ERI1: variants seen among roughly 807,000 people sequenced by gnomAD.
ERI1 encodes the protein exoribonuclease 1.
ERI1 carries 39 observed loss-of-function variants against 39.7 expected under a neutral mutation model. That is an observed-to-expected ratio of 0.98 (90% CI 0.76 to 1.28). ERI1 has a LOEUF of 1.28. ERI1 is among the 50% of genes most tolerant of loss of function. ERI1 has a pLI of 0.00. For missense variants in ERI1, 581 were observed against 416.9 expected, an observed-to-expected ratio of 1.39 and a Z score of -3.43; for synonymous variants, 204 against 149.6, an observed-to-expected ratio of 1.36 and a Z score of -2.65.
chr8:9,004,723 G>C (rs1360074974), intron 1 of ERI1, among the ~76,000 whole-genome samples: 1 of 124,484 alleles, frequency 8.0e-6, no homozygotes, highest in African/African-American at 3.1e-5. Context: ...TTTCGTTCTT[G>C]TTGCCCAGTC....
At chr8:9,090,482 A>G (rs1799670343) in intron 3 of ERI1, among the ~76,000 whole-genome samples, 1 of 152,190 alleles carries the variant, frequency 6.6e-6, no homozygotes, top group African/African-American at 2.4e-5. Flanking sequence ...AAAATATTGG[A>G]AAAAAATCTA....
chr8:9,014,098 A>G lies in ERI1; in HGVS notation c.499-2224A>G, dbSNP rs28647916. 7.4e-3 allele frequency among the ~76,000 whole-genome samples: 1,121 copies of G among 152,268 alleles called. 11 individuals carry two copies. The highest frequency in any genetic ancestry group is 0.026 in the African/African-American group (1,073 of 41,546). On this transcript the variant is annotated intron_variant, in intron 3 of 6. Transcript: ENST00000250263. ...CCTCATTTAACTCAGAGTACAACCAATATTCCTTACATGACCTGGCCTATT... is the reference window on the plus strand; with the variant it reads ...CCTCATTTAACTCAGAGTACAACCAGTATTCCTTACATGACCTGGCCTATT...
chr8:9,008,181 T>A, intron 2 of ERI1, 33 bp downstream of exon 2: 1 of 1,454,016 alleles, frequency 6.9e-7, no homozygotes, highest in Non-Finnish European at 9.2e-7. Flanking sequence ...ATTATAAAAG[T>A]AGTACATGCT....
intron 3 of ERI1, among the ~76,000 whole-genome samples, chr8:9,095,013 GA>G (rs1799832792): frequency 6.6e-6 from 1 of 152,102 alleles, no homozygotes; most frequent in Admixed American, 6.5e-5. Context: ...TTTGGAGCCA[GA>G]AGGTGGGATA....
At chr8:9,015,738 A>AAAAAAAAAAAAAAAAAG (rs1563318556) in intron 3 of ERI1, among the ~76,000 whole-genome samples, 4 of 151,130 alleles carry the variant, frequency 2.6e-5, no homozygotes, top group African/African-American at 9.7e-5. Flanking sequence ...AAAAAAAAAA[A>AAAAAAAAAAAAAAAAAG]AAAGAGACCA....
Position 9,030,809 on chromosome 8 carries a change from A to G in ERI1, c.*775A>G, listed in dbSNP as rs933690476. ...CCTTAATTCTTAAATCTGAGGGACC[A>G]TGCTTTGAAATAGACTGAAAATTAA... On this transcript the variant is annotated 3_prime_UTR_variant, in exon 7 of 7. Coordinates refer to ENST00000250263, the MANE Select transcript of ERI1 (RefSeq NM_153332.4). 2.0e-5 allele frequency: 3 copies of G among 152,166 alleles called. No individual in the cohort carries two copies. Among genetic ancestry groups the G allele is most frequent in the African/African-American group, 7.2e-5 (3 of 41,440 alleles). The allele number at this position is 152,166 out of a possible 1,614,324, so 9.4% of individuals were successfully genotyped here.
At chr8:9,005,415 A>T (rs894216577) in intron 1 of ERI1, among the ~76,000 whole-genome samples, 3 of 152,082 alleles carry the variant, frequency 2.0e-5, no homozygotes, top group East Asian at 3.8e-4. Context: ...AAGCTCCGGT[A>T]CCCTTCCCAA....
At chr8:9,003,843 C>T (rs1585174936) in intron 1 of ERI1, among the ~76,000 whole-genome samples, 1 of 152,208 alleles carries the variant, frequency 6.6e-6, no homozygotes, top group East Asian at 1.9e-4. Context: ...TAATAATAAA[C>T]ATGTTGAACA....
At chr8:9,050,230 G>C (rs1234696796) in intron 3 of ERI1, among the ~76,000 whole-genome samples, 1 of 152,110 alleles carries the variant, frequency 6.6e-6, no homozygotes, top group Non-Finnish European at 1.5e-5. Context: ...GGTCAAGGCT[G>C]GGCGCAGTGC....
intron 6 of ERI1, among the ~76,000 whole-genome samples, chr8:9,026,761 A>G (rs1485361595): frequency 6.6e-6 from 1 of 152,152 alleles, no homozygotes; most frequent in Non-Finnish European, 1.5e-5. Flanking sequence ...AAGTGGTGTA[A>G]TGTAAATGTT....
chr8:9,054,649 G>A (rs1798452052), intron 3 of ERI1, among the ~76,000 whole-genome samples: 1 of 152,260 alleles, frequency 6.6e-6, no homozygotes, highest in African/African-American at 2.4e-5. Context: ...ATTGGGCCAG[G>A]CACCATGGCC....
intron 3 of ERI1, among the ~76,000 whole-genome samples, chr8:9,055,458 G>A (rs1265215955): frequency 6.6e-6 from 1 of 152,208 alleles, no homozygotes; most frequent in Non-Finnish European, 1.5e-5. Context: ...TTGGCCTCTC[G>A]TTTGCAGCAT....
At chr8:9,061,880 A>T (rs1291182984) in intron 3 of ERI1, among the ~76,000 whole-genome samples, 1 of 151,634 alleles carries the variant, frequency 6.6e-6, no homozygotes, top group Non-Finnish European at 1.5e-5. Flanking sequence ...AAGCGAAGAG[A>T]GGCTGGGATG....
intron 3 of ERI1, among the ~76,000 whole-genome samples, chr8:9,073,689 G>A (rs996730996): frequency 4.6e-5 from 7 of 152,032 alleles, no homozygotes; most frequent in Non-Finnish European, 7.4e-5. Flanking sequence ...ATATGCTTCT[G>A]GTATGAAATA....
intron 3 of ERI1, among the ~76,000 whole-genome samples, chr8:9,040,872 G>T (rs1159571606): frequency 1.3e-5 from 2 of 152,098 alleles, no homozygotes; most frequent in African/African-American, 4.8e-5. Context: ...CTCTCCATCA[G>T]CCCGCCAGCA....
intron 3 of ERI1, among the ~76,000 whole-genome samples, chr8:9,015,586 G>C (rs2117222371): frequency 6.6e-6 from 1 of 152,062 alleles, no homozygotes; most frequent in South Asian, 2.1e-4. Flanking sequence ...GCCAGGCGTG[G>C]TGGCAGGCGT....
In ERI1 at chr8:9,031,261, T is replaced by C. The variant is rs1194910991; in HGVS notation, c.*1227T>C. ...CTCAAAGGTTTCCAAACCTATATCA[T>C]ATAGGGTGAAAAGCAGGAAAGTAGA... On this transcript the variant is annotated 3_prime_UTR_variant, in exon 7 of 7. Transcript: ENST00000250263. The C allele has an allele frequency of 1.3e-5, 2 of 152,186 alleles. No individual in the cohort carries two copies. The highest frequency in any genetic ancestry group is 4.8e-5 in the African/African-American group (2 of 41,454). The allele number at this position is 152,186 out of a possible 1,614,324, so 9.4% of individuals were successfully genotyped here.
chr8:9,028,031 T>C (rs1797306430), intron 6 of ERI1, among the ~76,000 whole-genome samples: 1 of 152,336 alleles, frequency 6.6e-6, no homozygotes, highest in South Asian at 2.1e-4. Context: ...TGATCTGTAA[T>C]TTTCTTTCCT....
chr8:9,036,543 C>T (rs1329182509), downstream of ERI1, among the ~76,000 whole-genome samples: 1 of 152,162 alleles, frequency 6.6e-6, no homozygotes, highest in African/African-American at 2.4e-5. Context: ...TTAAATTTAA[C>T]TTTTATATGC....
Sources: allele counts gnomAD v4.1 joint callset (sites outside exome capture counted in the v4.1 genomes callset), GRCh38; gene constraint gnomAD v4.1.1; transcripts MANE v1.5; gene names NCBI Gene and HGNC (gene_info 2026-07-23, HGNC 2026-07-21).